The following FOXP1 variants were observed in gnomAD, a reference collection of about 807,000 sequenced individuals.
The protein encoded by FOXP1 is forkhead box P1, also known as forkhead box protein P1.
FOXP1 carries 15 observed loss-of-function variants against 98.2 expected under a neutral mutation model. The ratio of observed to expected loss-of-function variants is 0.15; its 90% confidence interval spans 0.10 to 0.24. FOXP1 has a LOEUF of 0.24. Among genes scored for constraint, FOXP1 ranks in the 10% least tolerant of loss-of-function variants. FOXP1 has a pLI of 1.00. For missense variants in FOXP1, 633 were observed against 848.5 expected, an observed-to-expected ratio of 0.75 and a Z score of 3.15; for synonymous variants, 371 against 314.5, an observed-to-expected ratio of 1.18 and a Z score of -1.90.
chr3:71,072,329 CAATG>C (rs1247220645), intron 7 of FOXP1, among the ~76,000 whole-genome samples: 1 of 151,980 alleles, frequency 6.6e-6, no homozygotes, highest in African/African-American at 2.4e-5. Context: ...CCCATCTCTA[CAATG>C]AATGAATGAA....
chr3:71,151,001 AG>A (rs2060544919), intron 6 of FOXP1, among the ~76,000 whole-genome samples: 2 of 152,184 alleles, frequency 1.3e-5, no homozygotes, highest in Admixed American at 6.5e-5. Flanking sequence ...GTAGGCTCCA[AG>A]TCTGAAAATT....
intron 6 of FOXP1, among the ~76,000 whole-genome samples, chr3:71,144,861 G>A (rs62256862): frequency 9.2e-5 from 14 of 152,004 alleles, no homozygotes; most frequent in South Asian, 4.1e-4. Context: ...CCCTGGCCCC[G>A]GGCAACCACT....
chr3:71,156,321 C>T (rs1385592495), intron 6 of FOXP1, among the ~76,000 whole-genome samples: 1 of 152,174 alleles, frequency 6.6e-6, no homozygotes, highest in African/African-American at 2.4e-5. Context: ...TTTCATCATG[C>T]ACTCAGCACC....
intron 6 of FOXP1, among the ~76,000 whole-genome samples, chr3:71,173,940 G>A (rs918405477): frequency 1.3e-5 from 2 of 152,158 alleles, no homozygotes; most frequent in Admixed American, 6.5e-5. Context: ...ACAAAATAAA[G>A]TTACCAATCT....
At chr3:71,571,699 G>A (rs1336267454) in intron 2 of FOXP1, 6 of 152,186 alleles carry the variant, frequency 3.9e-5, no homozygotes, top group Admixed American at 3.9e-4. Context: ...TGACTAAAAT[G>A]AAACTCTGTA....
At chr3:71,162,701 G>T (rs1274727660) in intron 6 of FOXP1, among the ~76,000 whole-genome samples, 1 of 152,140 alleles carries the variant, frequency 6.6e-6, no homozygotes, top group Non-Finnish European at 1.5e-5. Context: ...ATTGTTACTT[G>T]CCAACATGTG....
intron 5 of FOXP1, among the ~76,000 whole-genome samples, chr3:71,270,758 C>A (rs188914475): frequency 6.6e-6 from 1 of 152,308 alleles, no homozygotes; most frequent in East Asian, 1.9e-4. Context: ...GGAGTGGACA[C>A]CTTGGCCAAT....
intron 4 of FOXP1, among the ~76,000 whole-genome samples, chr3:71,328,993 A>AAAAAAAAC (rs2076112816): frequency 6.7e-6 from 1 of 148,714 alleles, no homozygotes; most frequent in Non-Finnish European, 1.5e-5. Flanking sequence ...AAAAAAACAA[A>AAAAAAAAC]AAAAAAAAAA....
intron 19 of FOXP1, chr3:70,969,092 T>A (rs1429043265): frequency 1.3e-5 from 2 of 151,812 alleles, no homozygotes; most frequent in African/African-American, 4.8e-5. Context: ...AGTCACATAG[T>A]TAAGAGAATT....
At chr3:71,047,619 C>G (rs914602524) in intron 9 of FOXP1, among the ~76,000 whole-genome samples, 2 of 152,180 alleles carry the variant, frequency 1.3e-5, no homozygotes, top group African/African-American at 2.4e-5. Flanking sequence ...TTAGCCATGA[C>G]AAACGATGAA....
chr3:71,422,326 G>A (rs562326852), intron 3 of FOXP1, among the ~76,000 whole-genome samples: 2 of 152,304 alleles, frequency 1.3e-5, no homozygotes, highest in African/African-American at 4.8e-5. Flanking sequence ...AATCCAAAAT[G>A]TTCTAGTGCT....
At chr3:71,510,096 G>A (rs1384484642) in intron 2 of FOXP1, among the ~76,000 whole-genome samples, 4 of 152,036 alleles carry the variant, frequency 2.6e-5, no homozygotes, top group Non-Finnish European at 5.9e-5. Context: ...CAGGAGAATC[G>A]CTTGAACCCC....
chr3:71,006,717 A>T (rs2042851993), intron 12 of FOXP1, among the ~76,000 whole-genome samples: 1 of 152,164 alleles, frequency 6.6e-6, no homozygotes, highest in Non-Finnish European at 1.5e-5. Context: ...AATGGCTCTT[A>T]AAATATAAGA....
At chr3:71,372,582 G>C (rs2079419884) in intron 3 of FOXP1, among the ~76,000 whole-genome samples, 1 of 152,178 alleles carries the variant, frequency 6.6e-6, no homozygotes, top group Non-Finnish European at 1.5e-5. Context: ...GCAAAGGTCT[G>C]TTTCCTGCCT....
chr3:71,113,712 C>CAATAAAATAAAATAAAATAAAAT (rs2058122661), intron 6 of FOXP1, among the ~76,000 whole-genome samples: 1 of 102,378 alleles, frequency 9.8e-6, no homozygotes, highest in Admixed American at 1.0e-4. Context: ...GCTTCCATCT[C>CAATAAAATAAAATAAAATAAAAT]AAAATAAAAT....
chr3:71,184,266 G>C (rs2062511999), intron 6 of FOXP1, among the ~76,000 whole-genome samples: 1 of 152,210 alleles, frequency 6.6e-6, no homozygotes, highest in Admixed American at 6.5e-5. Context: ...CTGATTCAAA[G>C]GGTGTGGCTG....
intron 3 of FOXP1, among the ~76,000 whole-genome samples, chr3:71,430,103 C>T (rs991283797): frequency 1.2e-4 from 19 of 152,146 alleles, no homozygotes; most frequent in African/African-American, 4.6e-4. Flanking sequence ...ACCACAACCT[C>T]GACAGAGAAA....
chr3:71,561,296 T>A (rs959702976), intron 2 of FOXP1, among the ~76,000 whole-genome samples: 29 of 151,488 alleles, frequency 1.9e-4, no homozygotes, highest in African/African-American at 6.8e-4. Context: ...CCTCAGGTGA[T>A]CTGCCCACCA....
At chr3:71,298,242 G>A (rs2073512704) in intron 5 of FOXP1, among the ~76,000 whole-genome samples, 1 of 152,078 alleles carries the variant, frequency 6.6e-6, no homozygotes, top group South Asian at 2.1e-4. Flanking sequence ...CGAGGTGGGC[G>A]GATCACGAGG....
Sources: allele counts gnomAD v4.1 joint callset (sites outside exome capture counted in the v4.1 genomes callset), GRCh38; gene constraint gnomAD v4.1.1; transcripts MANE v1.5; gene names NCBI Gene and HGNC (gene_info 2026-07-23, HGNC 2026-07-21).